Variants in ZFR observed in about 807,000 individuals in gnomAD.
ZFR encodes the protein zinc finger RNA-binding protein.
A neutral mutation model predicts 130.7 loss-of-function variants in ZFR; 19 were observed. That is an observed-to-expected ratio of 0.15 (90% CI 0.10 to 0.21). The LOEUF is 0.21. Ranked by LOEUF, ZFR falls within the 10% of genes least tolerant of loss-of-function variation. ZFR has a pLI of 1.00. For synonymous variants in ZFR, 466 were observed against 456.9 expected (o/e 1.02, Z -0.25); for missense variants, 872 against 1,321.5 (o/e 0.66, Z 5.27).
At chr5:32,440,961 G>C (rs1238315496) in intron 2 of ZFR, among the ~76,000 whole-genome samples, 1 of 152,070 alleles carries the variant, frequency 6.6e-6, no homozygotes, top group East Asian at 1.9e-4. Flanking sequence ...AGAAAACTAA[G>C]AGCTGGAATT....
At chr5:32,433,343 C>T (rs989525235) in intron 2 of ZFR, among the ~76,000 whole-genome samples, 3 of 152,012 alleles carry the variant, frequency 2.0e-5, no homozygotes, top group Non-Finnish European at 2.9e-5. Context: ...ATAGTAAACC[C>T]GAATTTTTAT....
intron 2 of ZFR, among the ~76,000 whole-genome samples, chr5:32,435,373 C>T (rs1022571252): frequency 3.3e-5 from 5 of 152,284 alleles, no homozygotes; most frequent in African/African-American, 4.8e-5. Context: ...AAGCTTACTA[C>T]GAATATTTTC....
chr5:32,387,727 T>C (rs769701061), intron 13 of ZFR, 28 bp from the exon 14 acceptor site: 2 of 1,584,772 alleles, frequency 1.3e-6, no homozygotes, highest in Non-Finnish European at 1.7e-6. Flanking sequence ...TATATTATGA[T>C]ATTTCTCTGC....
chr5:32,380,225 T>C (rs1752904396), intron 15 of ZFR, 53 bp from the exon 16 acceptor site: 3 of 1,381,560 alleles, frequency 2.2e-6, no homozygotes, highest in Non-Finnish European at 3.1e-6. Flanking sequence ...TTTGACCAGG[T>C]GAGCAAGACA....
intron 2 of ZFR, among the ~76,000 whole-genome samples, chr5:32,436,760 C>T (rs1754345569): frequency 1.3e-5 from 2 of 152,284 alleles, no homozygotes; most frequent in South Asian, 4.1e-4. Context: ...AGGTGTGAGT[C>T]ACTGCCAGGT....
intron 10 of ZFR, among the ~76,000 whole-genome samples, chr5:32,395,823 T>G (rs1051079616): frequency 1.3e-5 from 2 of 152,212 alleles, no homozygotes; most frequent in Non-Finnish European, 2.9e-5. Context: ...CTTACTTTAT[T>G]CTAAGAATAC....
chr5:32,438,992 C>T (rs1247182811), intron 2 of ZFR, among the ~76,000 whole-genome samples: 2 of 152,124 alleles, frequency 1.3e-5, no homozygotes, highest in East Asian at 1.9e-4. Context: ...AAAGTTATGT[C>T]CTTTTGTTCA....
chr5:32,403,349 G>T lies in ZFR; in HGVS notation c.1273C>A (p.Pro425Thr). 1 of 1,614,160 alleles carries T rather than the reference G, an allele frequency of 6.2e-7. No individual in the cohort carries two copies. Among genetic ancestry groups the T allele is most frequent in the South Asian group, 1.1e-5 (1 of 91,084 alleles). Residue 425 changes from proline (P) to threonine (T), a missense_variant, in exon 8 of 20, where the codon CCA becomes ACA. Coordinates refer to ENST00000265069, the MANE Select transcript of ZFR (RefSeq NM_016107.5). Reference sequence around the variant, plus strand: ...GAAGTAGCTTGGCTAACAACATTTGGTTCTGTTGATGGAATGGGTTTACCA... The same window carrying T: ...GAAGTAGCTTGGCTAACAACATTTGTTTCTGTTGATGGAATGGGTTTACCA... Reference protein sequence around the residue: ...KLGKPIPSTEPNVVSQATSST... With the variant: ...KLGKPIPSTETNVVSQATSST...
intron 10 of ZFR, 75 bp downstream of exon 10, chr5:32,397,144 T>C (rs1753332665): frequency 2.7e-6 from 4 of 1,499,076 alleles, no homozygotes; most frequent in South Asian, 2.8e-5. Context: ...TGCTTTCTTT[T>C]ACATAAAGAA....
intron 2 of ZFR, among the ~76,000 whole-genome samples, chr5:32,425,652 C>T (rs1447976825): frequency 6.6e-6 from 1 of 152,154 alleles, no homozygotes; most frequent in African/African-American, 2.4e-5. Flanking sequence ...CTCAGCCACC[C>T]GAGTAGCTGG....
rs1354232398 is a variant in ZFR, at chr5:32,427,526, G to A, written c.138-7423C>T. On this transcript the variant is annotated intron_variant, in intron 2 of 19. Transcript: ENST00000265069. ...AAATGGAAAGACATCCCATGTTCACGGATTAGAAGGCAAACTATTGTTAAG... is the reference window on the plus strand; with the variant it reads ...AAATGGAAAGACATCCCATGTTCACAGATTAGAAGGCAAACTATTGTTAAG... 2.0e-5 allele frequency among the ~76,000 whole-genome samples: 3 copies of A among 152,026 alleles called. No individual in the cohort carries two copies. The East Asian group carries it at 5.8e-4, about 29-fold the overall frequency.
chr5:32,385,741 C>T (rs892710225), intron 14 of ZFR, 92 bp from the exon 15 acceptor site: 3 of 1,428,974 alleles, frequency 2.1e-6, no homozygotes, highest in Non-Finnish European at 2.9e-6. Flanking sequence ...TCTTACTACC[C>T]TAACCATTCT....
At chr5:32,377,631 A>G (rs563458497) in intron 17 of ZFR, among the ~76,000 whole-genome samples, 2 of 152,324 alleles carry the variant, frequency 1.3e-5, no homozygotes, top group South Asian at 4.1e-4. Context: ...CAGTTAAGAA[A>G]AAAACAATTA....
chr5:32,383,839 A>G (rs1247632007), intron 15 of ZFR: 1 of 456,510 alleles, frequency 2.2e-6, no homozygotes, highest in Admixed American at 2.3e-5. Flanking sequence ...TGCAGCAAGG[A>G]ACACTATCAG....
rs191713098 is a variant in ZFR, at chr5:32,393,394, A to T, written c.1979+1765T>A. Among the ~76,000 whole-genome samples the T allele has an allele frequency of 1.0e-4, 15 of 150,538 alleles. No homozygotes were observed. In the East Asian group the frequency reaches 2.5e-3, roughly 25 times the overall value. On this transcript the variant is annotated intron_variant, in intron 11 of 19. Coordinates refer to ENST00000265069, the MANE Select transcript of ZFR (RefSeq NM_016107.5). ...GTTTTGTTCTTGTTGCCCAGGCTGGAGTATAATGGCGCGATCTCGCCTCAC... is the reference window on the plus strand; with the variant it reads ...GTTTTGTTCTTGTTGCCCAGGCTGGTGTATAATGGCGCGATCTCGCCTCAC...
chr5:32,429,321 A>G (rs1754149917), intron 2 of ZFR, among the ~76,000 whole-genome samples: 1 of 152,048 alleles, frequency 6.6e-6, no homozygotes, highest in South Asian at 2.1e-4. Flanking sequence ...CTGTAAGGAA[A>G]CTTTTTCCTA....
At chr5:32,370,949 A>G (rs1209276062) in intron 17 of ZFR, among the ~76,000 whole-genome samples, 1 of 152,260 alleles carries the variant, frequency 6.6e-6, no homozygotes, top group Non-Finnish European at 1.5e-5. Context: ...TGAATGCTAA[A>G]TAAAATTAAA....
chr5:32,408,678 C>T lies in ZFR; in HGVS notation c.785-1657G>A, dbSNP rs891646523. Among the ~76,000 whole-genome samples, 3 of 152,072 alleles carry T rather than the reference C, an allele frequency of 2.0e-5. No individual in the cohort carries two copies. In the East Asian group the frequency reaches 5.8e-4, roughly 29 times the overall value. On this transcript the variant is annotated intron_variant, in intron 5 of 19. Transcript: ENST00000265069. ...TATCACATTCGTAAGTAATAGAGGA[C>T]GTTTGTAGGACTGCCCAGTAGAGTT...
intron 2 of ZFR, among the ~76,000 whole-genome samples, chr5:32,422,903 A>T (rs887108466): frequency 6.6e-6 from 1 of 151,938 alleles, no homozygotes; most frequent in Non-Finnish European, 1.5e-5. Flanking sequence ...GAAAGCACGT[A>T]AGCAATTATT....
Sources: gnomAD v4.1 joint callset for allele counts (sites outside exome capture counted in the v4.1 genomes callset) on GRCh38, gnomAD v4.1.1 for gene constraint, MANE v1.5 for transcripts, NCBI Gene and HGNC (gene_info 2026-07-23, HGNC 2026-07-21) for gene names.